Variants in SGO2 observed in about 807,000 individuals in gnomAD.
The protein encoded by SGO2 is shugoshin-like 2.
In SGO2, 68 loss-of-function variants were observed where a neutral mutation model predicts 99.5. The observed-to-expected ratio is 0.68, with a 90% confidence interval of 0.56 to 0.84. SGO2 has a LOEUF of 0.84. Ranked by LOEUF, SGO2 falls within the 40% of genes least tolerant of loss-of-function variation. The pLI, the probability that SGO2 is intolerant of heterozygous loss-of-function variation, is 0.00. For synonymous variants in SGO2, 457 were observed against 487.1 expected, an observed-to-expected ratio of 0.94 and a Z score of 0.81; for missense variants, 1,350 against 1,436.7, an observed-to-expected ratio of 0.94 and a Z score of 0.97.
In SGO2 at chr2:200,573,247, T is replaced by G. The variant is rs1315659901; in HGVS notation, c.2901T>G (p.Ser967Arg). The G allele has an allele frequency of 6.3e-7, 1 of 1,592,836 alleles. No individual in the cohort carries two copies. Among genetic ancestry groups the G allele is most frequent in the Admixed American group, 1.8e-5 (1 of 54,366 alleles). Residue 967 changes from serine (S) to arginine (R), a missense_variant, in exon 7 of 9, where the codon AGT (serine) becomes AGG (arginine). Coordinates refer to ENST00000357799, the MANE Select transcript of SGO2 (RefSeq NM_152524.6). ...ATAAACACTATATGGAAGTCAACAG[T>G]AATGAAAAGGAAAGTTGTGATCAAA... The part of the protein sequence containing the change: ...IINKHYMEVN[S>R]NEKESCDQIL...
intron 1 of SGO2, chr2:200,532,218 T>C (rs991218369): frequency 5.7e-6 from 1 of 176,708 alleles, no homozygotes; most frequent in Non-Finnish European, 1.1e-5. Flanking sequence ...AGGCAGGTAG[T>C]GGTGGGGAGG....
intron 1 of SGO2, among the ~76,000 whole-genome samples, chr2:200,531,342 C>T (rs1014450501): frequency 6.6e-6 from 1 of 152,030 alleles, no homozygotes; most frequent in African/African-American, 2.4e-5. Context: ...TTGATAACAG[C>T]AGTGAAGGGA....
rs1008779492 is a variant in SGO2, at chr2:200,526,209, C to T, written c.-46C>T. The T allele has an allele frequency of 2.0e-4, 30 of 152,496 alleles. No homozygotes were observed. Among genetic ancestry groups the T allele is most frequent in the African/African-American group, 7.0e-4 (29 of 41,490 alleles). The allele number at this position is 152,496 out of a possible 1,614,324, so 9.4% of individuals were successfully genotyped here. On this transcript the variant is annotated 5_prime_UTR_variant, in exon 1 of 9. Transcript: ENST00000357799. The surrounding 1 kb of genome is among the most constrained non-coding windows in gnomAD (Gnocchi z 4.8). ...CCAAGCCGCAGCCGCTGCTGCTCGC[C>T]GAGCTCCCGGAGCTGGGTGGGGGTG...
chr2:200,556,728 C>T (rs1308294078), intron 5 of SGO2, among the ~76,000 whole-genome samples: 3 of 152,208 alleles, frequency 2.0e-5, no homozygotes, highest in African/African-American at 4.8e-5. Flanking sequence ...CCAGAAGGAC[C>T]TTACAGCAGC....
At position 200,573,307 on chromosome 2, in the gene SGO2, G is replaced by C. The variant is rs2033525674; in HGVS notation, c.2961G>C (p.Lys987Asn). Residue 987 changes from lysine to asparagine, a missense_variant, in exon 7 of 9, where the codon AAG becomes AAC. Transcript: ENST00000357799. ...LDSYKVVKKRKKESSCKAKNI... is the reference protein window; with the variant it reads ...LDSYKVVKKRNKESSCKAKNI... ...CCTACAAAGTAGTTAAAAAACGTAA[G>C]AAAGAATCATCATGCAAGGCAAAGA... 6.2e-7 allele frequency: 1 copy of C among 1,605,260 alleles called. No individual in the cohort carries two copies. Among genetic ancestry groups the C allele is most frequent in the African/African-American group, 1.3e-5 (1 of 74,412 alleles).
In SGO2 at chr2:200,569,755, C is replaced by T. The variant is rs374084010; in HGVS notation, c.566C>T (p.Pro189Leu). The T allele has an allele frequency of 1.9e-6, 3 of 1,612,466 alleles. No homozygotes were observed. Among genetic ancestry groups the T allele is most frequent in the African/African-American group, 1.3e-5 (1 of 74,930 alleles). Residue 189 changes from proline to leucine, a missense_variant, in exon 6 of 9, where the codon CCC becomes CTC. Pro to Leu is a moderately conservative substitution (Grantham distance 98). Transcript: ENST00000357799. The stretch of plus-strand genomic sequence containing the variant: ...AAATCAAAGACATTACCTGATATTC[C>T]CTCTTCAGGATCAACAACACAACCT... Reference protein sequence around the residue: ...NIKSKTLPDIPSSGSTTQPLS... With the variant: ...NIKSKTLPDILSSGSTTQPLS...
intron 5 of SGO2, among the ~76,000 whole-genome samples, chr2:200,566,453 C>T (rs748619226): frequency 1.1e-4 from 17 of 152,130 alleles, no homozygotes; most frequent in Middle Eastern, 3.2e-3. Context: ...GAGGGGCACT[C>T]GGCCATATGA....
chr2:200,526,438 T>C lies in SGO2; in HGVS notation c.-3+186T>C, dbSNP rs559479150. Reference sequence around the variant, plus strand: ...AGGGGTTCGTTGACGGAGTCCTGTTTTGGCTTTGAGTCGCTGCCTCTTGTT... The same window carrying C: ...AGGGGTTCGTTGACGGAGTCCTGTTCTGGCTTTGAGTCGCTGCCTCTTGTT... On this transcript the variant is annotated intron_variant, in intron 1 of 8. Coordinates refer to ENST00000357799, the MANE Select transcript of SGO2 (RefSeq NM_152524.6). The surrounding 1 kb of genome is among the most constrained non-coding windows in gnomAD (Gnocchi z 4.8). Among the ~76,000 whole-genome samples the C allele has an allele frequency of 6.6e-6, 1 of 152,332 alleles. No individual in the cohort carries two copies. The highest frequency in any genetic ancestry group is 2.4e-5 in the African/African-American group (1 of 41,572).
rs575263978 is a variant in SGO2, at chr2:200,549,292, A to G, written c.473+6628A>G. Among the ~76,000 whole-genome samples the G allele has an allele frequency of 8.5e-5, 13 of 152,274 alleles. No individual in the cohort carries two copies. The East Asian group carries it at 1.4e-3, about 16-fold the overall frequency. On this transcript the variant is annotated intron_variant, in intron 5 of 8. Transcript: ENST00000357799. ...GCAACACCCTGTCTCAAAAAAAGAA[A>G]AGCCCAGGACTTGATGGATTCGCTG...
chr2:200,570,217 A>C lies in SGO2; in HGVS notation c.703+325A>C, dbSNP rs951206887. 1 of 293,266 alleles carries C rather than the reference A, an allele frequency of 3.4e-6. No homozygotes were observed. The allele number at this position is 293,266 out of a possible 1,614,324, so 18.2% of individuals were successfully genotyped here. A position where few individuals can be genotyped will look rare whatever the true frequency, so the allele number is the denominator to read the frequency against. ...TTAGTTTTACCCTCTTTTTTTGTAG[A>C]TATGAAAATTGGGGGCCTAGATAGG... On this transcript the variant is annotated intron_variant, in intron 6 of 8. Transcript: ENST00000357799. This position sits in a 1 kb window ranked among gnomAD's most constrained non-coding sequence, Gnocchi z 4.4.
intron 8 of SGO2, chr2:200,576,045 A>G (rs1316089326): frequency 5.1e-6 from 2 of 392,232 alleles, no homozygotes; most frequent in Non-Finnish European, 4.9e-6. Flanking sequence ...ACTTCGATAT[A>G]TCTCTCTCTA....
Position 200,571,626 on chromosome 2 carries a change from A to G in SGO2, c.1280A>G (p.Glu427Gly), listed in dbSNP as rs1443810495. The G allele has an allele frequency of 5.6e-6, 9 of 1,612,858 alleles. No individual in the cohort carries two copies. In the South Asian group the frequency reaches 9.9e-5, roughly 18 times the overall value. ...FKNSSDVDIG[E>G]KIENRTERSD... ...AATAGTTCAGATGTCGATATTGGGG[A>G]AAAGATTGAAAACAGGACAGAAAGA... The change falls in exon 7 of 9, where the codon GAA becomes GGA. Residue 427 changes from glutamate to glycine, a missense_variant. Coordinates refer to ENST00000357799, the MANE Select transcript of SGO2 (RefSeq NM_152524.6).
intron 7 of SGO2, among the ~76,000 whole-genome samples, chr2:200,574,923 T>TA (rs199656202): frequency 0.014 from 2,097 of 152,084 alleles, 29 homozygotes; most frequent in Middle Eastern, 0.031. Flanking sequence ...CAATTCCAGG[T>TA]AAAAGCACAC....
intron 1 of SGO2, chr2:200,532,272 G>GGTT: frequency 5.4e-6 from 1 of 186,606 alleles, no homozygotes. Context: ...AGAGTTTTTT[G>GGTT]TTTTTTTTTT....
intron 8 of SGO2, chr2:200,580,647 C>T (rs2033813344): frequency 1.2e-5 from 3 of 258,708 alleles, no homozygotes; most frequent in African/African-American, 7.1e-5. Context: ...GCCTGGGCAA[C>T]ACAGGGAGAC....
intron 7 of SGO2, 24 bp from the exon 8 acceptor site, chr2:200,575,287 G>A: frequency 6.8e-7 from 1 of 1,474,492 alleles, no homozygotes; most frequent in South Asian, 1.3e-5. Flanking sequence ...TAAAATATTT[G>A]TGAAAAATAA....
intron 4 of SGO2, among the ~76,000 whole-genome samples, chr2:200,536,890 CT>C (rs762138312): frequency 3.3e-5 from 5 of 152,120 alleles, no homozygotes; most frequent in African/African-American, 1.2e-4. Flanking sequence ...CCTTCAGCTA[CT>C]TTCTTCTCCG....
chr2:200,540,000 GC>G (rs1411380691), intron 4 of SGO2, among the ~76,000 whole-genome samples: 2 of 150,896 alleles, frequency 1.3e-5, no homozygotes, highest in Admixed American at 1.3e-4. Context: ...TTGCTGTTGA[GC>G]CCATTTAATT....
At chr2:200,536,650 A>AC (rs1339513748) in intron 4 of SGO2, among the ~76,000 whole-genome samples, 1 of 152,174 alleles carries the variant, frequency 6.6e-6, no homozygotes, top group Non-Finnish European at 1.5e-5. Context: ...TAAAAACTGG[A>AC]CAGCAGGTAG....
Sources: gnomAD v4.1 joint callset for allele counts (sites outside exome capture counted in the v4.1 genomes callset) on GRCh38, gnomAD v4.1.1 for gene constraint, Gnocchi (gnomAD v3.1) non-coding constraint, MANE v1.5 for transcripts, NCBI Gene and HGNC (gene_info 2026-07-23, HGNC 2026-07-21) for gene names.